The following MITF variants were observed in gnomAD, a reference collection of about 807,000 sequenced individuals.
MITF encodes the protein microphthalmia-associated transcription factor.
MITF carries 17 observed loss-of-function variants against 60.5 expected under a neutral mutation model. That is an observed-to-expected ratio of 0.28 (90% CI 0.19 to 0.42). The LOEUF (loss-of-function observed/expected upper bound fraction) is 0.42, where lower values mean the gene tolerates loss of function less well. Among genes scored for constraint, MITF ranks in the 10% least tolerant of loss-of-function variants. The pLI, the probability that MITF is intolerant of heterozygous loss-of-function variation, is 1.00. For synonymous variants in MITF, 260 were observed against 248.5 expected (o/e 1.05, Z -0.43); for missense variants, 622 against 683.5 (o/e 0.91, Z 1.00).
Position 69,965,791 on chromosome 3 carries a change from A to T in MITF, c.*543A>T. 1 of 229,820 alleles carries T rather than the reference A, an allele frequency of 4.4e-6. No homozygotes were observed. Among genetic ancestry groups the T allele is most frequent in the Non-Finnish European group, 8.5e-6 (1 of 116,980 alleles). The allele number at this position is 229,820 out of a possible 1,614,324, so 14.2% of individuals were successfully genotyped here. ...TTAGTCTTTATACTGCAAACTATTT[A>T]AAGAAATATGTATTCTGTAAAAGAA... On this transcript the variant is annotated 3_prime_UTR_variant, in exon 10 of 10. Transcript: ENST00000352241.
intron 1 of MITF, among the ~76,000 whole-genome samples, chr3:69,742,921 G>A (rs1703582919): frequency 6.6e-6 from 1 of 151,906 alleles, no homozygotes; most frequent in Non-Finnish European, 1.5e-5. Context: ...TTCCCATAGG[G>A]CTTATATTAT....
chr3:69,919,319 G>A (rs1377305143), intron 2 of MITF, among the ~76,000 whole-genome samples: 1 of 152,176 alleles, frequency 6.6e-6, no homozygotes, highest in African/African-American at 2.4e-5. Flanking sequence ...CAAGAACTTT[G>A]TAGGAACAAT....
chr3:69,884,645 A>G (rs990497861), intron 2 of MITF, among the ~76,000 whole-genome samples: 1 of 152,172 alleles, frequency 6.6e-6, no homozygotes, highest in Admixed American at 6.5e-5. Context: ...GACACAAGAA[A>G]GTGCTCCATA....
rs2064696035 is a variant in MITF at position 69,889,036 on chromosome 3, T to TTG, written c.354+9654_354+9655insGT. 2.7e-5 allele frequency among the ~76,000 whole-genome samples: 4 copies of TTG among 145,840 alleles called. No homozygotes were observed. In the South Asian group the frequency reaches 9.0e-4, roughly 33 times the overall value. ...AGTAATAGCCTTTGGTTTTTTTTTTTTTTTTTTTTTTTTTTGCATTGTTAA... is the reference window on the plus strand; with the variant it reads ...AGTAATAGCCTTTGGTTTTTTTTTTTTGTTTTTTTTTTTTTTTGCATTGTTAA... On this transcript the variant is annotated intron_variant, in intron 2 of 9. Transcript: ENST00000352241.
At chr3:69,818,165 T>C (rs531281576) in intron 1 of MITF, among the ~76,000 whole-genome samples, 7 of 152,354 alleles carry the variant, frequency 4.6e-5, no homozygotes, top group African/African-American at 1.7e-4. Context: ...GGATCAACTC[T>C]TAAAACCCTT....
intron 2 of MITF, among the ~76,000 whole-genome samples, chr3:69,897,114 G>A (rs2064892870): frequency 6.6e-6 from 1 of 152,176 alleles, no homozygotes; most frequent in Non-Finnish European, 1.5e-5. Context: ...GGGGCCAGGA[G>A]CTTGGGTCTG....
At chr3:69,962,294 A>G (rs1240839598) in intron 9 of MITF, among the ~76,000 whole-genome samples, 3 of 152,228 alleles carry the variant, frequency 2.0e-5, no homozygotes, top group Non-Finnish European at 4.4e-5. Context: ...CAGAAGAAAG[A>G]GCATGAATCC....
chr3:69,927,597 A>T (rs998322814), intron 2 of MITF, among the ~76,000 whole-genome samples: 1 of 152,216 alleles, frequency 6.6e-6, no homozygotes. Flanking sequence ...TAAACAAAAA[A>T]TTGTTAGATA....
intron 2 of MITF, among the ~76,000 whole-genome samples, chr3:69,885,277 G>C (rs2064585928): frequency 6.6e-6 from 1 of 152,106 alleles, no homozygotes; most frequent in Admixed American, 6.6e-5. Flanking sequence ...AAAGAGAAGA[G>C]ACACCTGTTT....
At position 69,828,945 on chromosome 3, in the gene MITF, A is replaced by AGTGT. The variant is rs3044611; in HGVS notation, c.105-50168_105-50165dup. On this transcript the variant is annotated intron_variant, in intron 1 of 9. Coordinates refer to ENST00000352241, the MANE Select transcript of MITF (RefSeq NM_001354604.2). ...GAATTGAATACTGGAATATCGTGTG[A>AGTGT]GTGTGTGTGTGTGTGTGTGTGTGTT... 1.8e-3 allele frequency among the ~76,000 whole-genome samples: 277 copies of AGTGT among 150,058 alleles called. 3 individuals are homozygous for AGTGT. The highest frequency in any genetic ancestry group is 6.8e-3 in the Middle Eastern group (2 of 294).
chr3:69,967,198 C>T lies in MITF; in HGVS notation c.*1950C>T, dbSNP rs1447317107. On this transcript the variant is annotated 3_prime_UTR_variant, in exon 10 of 10. Coordinates refer to ENST00000352241, the MANE Select transcript of MITF (RefSeq NM_001354604.2). ...CCCATGCACGCTGGGCAATGAGAAT[C>T]CTTGGAAACATTGGTGATGCTATCA... The T allele has an allele frequency of 4.3e-6, 1 of 232,294 alleles. No individual in the cohort carries two copies. Among genetic ancestry groups the T allele is most frequent in the Admixed American group, 5.6e-5 (1 of 17,720 alleles). 14.4% of individuals were successfully genotyped at this position (232,294 alleles called of 1,614,324 possible). A position where few individuals can be genotyped will look rare whatever the true frequency, so the allele number is the denominator to read the frequency against.
intron 2 of MITF, among the ~76,000 whole-genome samples, chr3:69,917,376 C>CT (rs3044646): frequency 0.38 from 42,911 of 113,208 alleles, 9,156 homozygotes; most frequent in East Asian, 0.74. Context: ...CAGTTGCCTC[C>CT]TTTTTTTTTT....
chr3:69,960,381 A>G (rs189876796), intron 9 of MITF, among the ~76,000 whole-genome samples: 1 of 152,296 alleles, frequency 6.6e-6, no homozygotes, highest in Non-Finnish European at 1.5e-5. Context: ...CATCCTACTC[A>G]GTGGGTATAT....
intron 2 of MITF, among the ~76,000 whole-genome samples, chr3:69,906,601 G>A (rs1317403011): frequency 6.6e-6 from 1 of 152,118 alleles, no homozygotes; most frequent in Non-Finnish European, 1.5e-5. Context: ...TGAGTTATAT[G>A]CAAGTGTACT....
intron 4 of MITF, among the ~76,000 whole-genome samples, chr3:69,939,971 T>C (rs2065932073): frequency 6.6e-6 from 1 of 152,196 alleles, no homozygotes; most frequent in Non-Finnish European, 1.5e-5. Context: ...GTGGTGTCAA[T>C]AGAAATGGAA....
rs1465304671 is a variant in MITF at position 69,967,510 on chromosome 3, G to A, written c.*2262G>A. 1.3e-5 allele frequency: 3 copies of A among 233,138 alleles called. No homozygotes were observed. Among genetic ancestry groups the A allele is most frequent in the East Asian group, 6.0e-5 (1 of 16,540 alleles). 14.4% of individuals were successfully genotyped at this position (233,138 alleles called of 1,614,324 possible). A position where few individuals can be genotyped will look rare whatever the true frequency, so the allele number is the denominator to read the frequency against. ...AATAAAGCAAGGTTGACTAACCTAC[G>A]GCCACGGGAACAGGACCATGGTTAA... On this transcript the variant is annotated 3_prime_UTR_variant, in exon 10 of 10. Transcript: ENST00000352241.
At position 69,967,829 on chromosome 3, in the gene MITF, G is replaced by A. The variant is rs770401036; in HGVS notation, c.*2581G>A. On this transcript the variant is annotated 3_prime_UTR_variant, in exon 10 of 10. Transcript: ENST00000352241. ...AGAAAATGATCCACACCACTCCCCC[G>A]ATTCCCGGGTGCAGAATTGTAACTC... 1.2e-4 allele frequency: 27 copies of A among 233,034 alleles called. No homozygotes were observed. Among genetic ancestry groups the A allele is most frequent in the Non-Finnish European group, 1.7e-4 (20 of 117,896 alleles). The allele number at this position is 233,034 out of a possible 1,614,324, so 14.4% of individuals were successfully genotyped here.
chr3:69,740,869 G>A (rs922244536), intron 1 of MITF, among the ~76,000 whole-genome samples: 1 of 152,156 alleles, frequency 6.6e-6, no homozygotes, highest in African/African-American at 2.4e-5. Flanking sequence ...TGAAATGAGG[G>A]TGAGTGGAGA....
intron 2 of MITF, among the ~76,000 whole-genome samples, chr3:69,930,500 G>A (rs1028713019): frequency 6.6e-6 from 1 of 152,156 alleles, no homozygotes; most frequent in Non-Finnish European, 1.5e-5. Flanking sequence ...AATCTGCCTG[G>A]CTCATCTCAC....
Sources: allele counts gnomAD v4.1 joint callset (sites outside exome capture counted in the v4.1 genomes callset), GRCh38; gene constraint gnomAD v4.1.1; transcripts MANE v1.5; gene names NCBI Gene and HGNC (gene_info 2026-07-23, HGNC 2026-07-21).